Variants in FMN1 observed in about 807,000 individuals in gnomAD.
FMN1 encodes the protein formin-1.
Under a neutral mutation model 132.4 loss-of-function variants are expected in FMN1, and 110 were observed. That is an observed-to-expected ratio of 0.83 (90% CI 0.71 to 0.97). FMN1 has a LOEUF of 0.97. Ranked by LOEUF, FMN1 falls within the 50% of genes least tolerant of loss-of-function variation. The pLI is 0.00. For synonymous variants in FMN1, 722 were observed against 651.7 expected (o/e 1.11, Z -1.64); for missense variants, 1,792 against 1,705.3 (o/e 1.05, Z -0.90).
chr15:33,017,702 G>A (rs1448307147), intron 6 of FMN1, among the ~76,000 whole-genome samples: 1 of 152,140 alleles, frequency 6.6e-6, no homozygotes, highest in Non-Finnish European at 1.5e-5. Flanking sequence ...AAAAGATGGG[G>A]GGAAACTTCT....
At chr15:32,948,180 T>C (rs758718054) in intron 9 of FMN1, among the ~76,000 whole-genome samples, 4 of 152,042 alleles carry the variant, frequency 2.6e-5, no homozygotes, top group Non-Finnish European at 5.9e-5. Context: ...CCATCATCTT[T>C]CAATTATATA....
rs1478552880 is a variant in FMN1 at position 33,008,079 on chromosome 15, T to A, written c.2162-4A>T. The A allele has an allele frequency of 6.3e-7, 1 of 1,589,252 alleles. No individual in the cohort carries two copies. Among genetic ancestry groups the A allele is most frequent in the South Asian group, 1.1e-5 (1 of 87,006 alleles). On this transcript the variant is annotated splice_region_variant and splice_polypyrimidine_tract_variant and intron_variant, in intron 6 of 20. Coordinates refer to ENST00000616417, the MANE Select transcript of FMN1 (RefSeq NM_001277313.2). ...TGTAAAATAGCAGCTTGGTATTCTG[T>A]AAAATCAAAAAAGAGGCCAATTATA...
intron 5 of FMN1, among the ~76,000 whole-genome samples, chr15:33,075,194 C>T (rs2038160559): frequency 6.6e-6 from 1 of 151,972 alleles, no homozygotes; most frequent in East Asian, 1.9e-4. Flanking sequence ...AATTGTTACG[C>T]GGCATACACT....
chr15:32,964,056 C>CA, intron 9 of FMN1, 51 bp downstream of exon 9: 27 of 1,177,416 alleles, frequency 2.3e-5, no homozygotes, highest in South Asian at 2.7e-5. Context: ...CACATATATA[C>CA]CATTTCCCTG....
chr15:32,892,905 A>G (rs1362199384), intron 15 of FMN1, among the ~76,000 whole-genome samples: 1 of 152,112 alleles, frequency 6.6e-6, no homozygotes. Flanking sequence ...GACTCTAAAC[A>G]CCTCAGAGGC....
chr15:33,083,463 C>T (rs553855438), intron 5 of FMN1, among the ~76,000 whole-genome samples: 1 of 152,200 alleles, frequency 6.6e-6, no homozygotes, highest in South Asian at 2.1e-4. Context: ...CAACAACTCA[C>T]CTCCAGGAGG....
At chr15:32,931,350 T>C (rs1282823929) in intron 9 of FMN1, among the ~76,000 whole-genome samples, 1 of 152,238 alleles carries the variant, frequency 6.6e-6, no homozygotes, top group Non-Finnish European at 1.5e-5. Flanking sequence ...GTTATTTGTG[T>C]CTTCCTAAAT....
At chr15:32,853,921 G>A (rs1006427299) in intron 17 of FMN1, among the ~76,000 whole-genome samples, 3 of 152,194 alleles carry the variant, frequency 2.0e-5, no homozygotes, top group Non-Finnish European at 4.4e-5. Flanking sequence ...AGAGAGTGTA[G>A]GAATGAGCTG....
chr15:32,918,373 T>A (rs576087604), intron 10 of FMN1, among the ~76,000 whole-genome samples: 4 of 152,212 alleles, frequency 2.6e-5, no homozygotes, highest in Non-Finnish European at 5.9e-5. Flanking sequence ...TGCCTGCTAT[T>A]GTGTCATGTT....
chr15:32,939,279 T>C (rs1352040527), intron 9 of FMN1, among the ~76,000 whole-genome samples: 4 of 152,244 alleles, frequency 2.6e-5, no homozygotes, highest in African/African-American at 9.6e-5. Context: ...TCATTTTTTA[T>C]GTTCATTATC....
chr15:32,966,463 C>G (rs968543279), intron 8 of FMN1, among the ~76,000 whole-genome samples: 3 of 151,956 alleles, frequency 2.0e-5, no homozygotes, highest in Non-Finnish European at 4.4e-5. Context: ...ACATACAATT[C>G]TAGCTCAAAA....
In FMN1 at chr15:33,160,984, G is replaced by T. The variant is rs566864975; in HGVS notation, c.-131-5939C>A. On this transcript the variant is annotated intron_variant, in intron 3 of 20. Coordinates refer to ENST00000616417, the MANE Select transcript of FMN1 (RefSeq NM_001277313.2). Reference sequence around the variant, plus strand: ...TAGTAGATGCTATCTATTGTTCATAGCATATTTCACCAATGCTAAAAATAA... The same window carrying T: ...TAGTAGATGCTATCTATTGTTCATATCATATTTCACCAATGCTAAAAATAA... 3.9e-5 allele frequency among the ~76,000 whole-genome samples: 6 copies of T among 152,294 alleles called. No individual in the cohort carries two copies. In the South Asian group the frequency reaches 1.2e-3, roughly 32 times the overall value.
At position 32,916,581 on chromosome 15, in the gene FMN1, C is replaced by T. The variant is rs142543352; in HGVS notation, c.3227-6046G>A. On this transcript the variant is annotated intron_variant, in intron 10 of 20. Coordinates refer to ENST00000616417, the MANE Select transcript of FMN1 (RefSeq NM_001277313.2). Reference sequence around the variant, plus strand: ...AGGGTTGGGTTGGCTCACCAGGTTTCGGCTGACGGTGGTTTTGAGAATGAT... The same window carrying T: ...AGGGTTGGGTTGGCTCACCAGGTTTTGGCTGACGGTGGTTTTGAGAATGAT... Among the ~76,000 whole-genome samples, 11 of 152,242 alleles carry T rather than the reference C, an allele frequency of 7.2e-5. No homozygotes were observed. The East Asian group carries it at 1.5e-3, about 21-fold the overall frequency.
chr15:32,859,167 G>A (rs888784018), intron 16 of FMN1, among the ~76,000 whole-genome samples: 1 of 152,162 alleles, frequency 6.6e-6, no homozygotes, highest in African/African-American at 2.4e-5. Context: ...AGGAGATCAA[G>A]AGTTAAATTT....
chr15:32,975,466 C>G (rs761005159), intron 7 of FMN1, among the ~76,000 whole-genome samples: 15 of 152,168 alleles, frequency 9.9e-5, no homozygotes, highest in Admixed American at 2.0e-4. Flanking sequence ...ATCCTTTTCT[C>G]TTTGCTATTC....
intron 10 of FMN1, among the ~76,000 whole-genome samples, chr15:32,916,568 G>T (rs893939459): frequency 6.6e-6 from 1 of 152,160 alleles, no homozygotes; most frequent in Non-Finnish European, 1.5e-5. Context: ...GGTTGGGTTG[G>T]CTCACCAGGT....
intron 17 of FMN1, among the ~76,000 whole-genome samples, chr15:32,842,305 T>C (rs1383436292): frequency 6.6e-6 from 1 of 152,098 alleles, no homozygotes; most frequent in Non-Finnish European, 1.5e-5. Flanking sequence ...AGCCCCACCC[T>C]CCATCCACCC....
intron 16 of FMN1, among the ~76,000 whole-genome samples, chr15:32,883,374 G>A (rs138317389): frequency 6.6e-6 from 1 of 151,824 alleles, no homozygotes; most frequent in East Asian, 1.9e-4. Flanking sequence ...GCTGGGCGTG[G>A]TGGTATACAT....
chr15:32,801,486 G>C (rs192644686), intron 18 of FMN1, among the ~76,000 whole-genome samples: 33 of 152,176 alleles, frequency 2.2e-4, no homozygotes, highest in Non-Finnish European at 4.6e-4. Context: ...GCCTTATTTG[G>C]CCGGGCACAG....
Sources: gnomAD v4.1 joint callset for allele counts (sites outside exome capture counted in the v4.1 genomes callset) on GRCh38, gnomAD v4.1.1 for gene constraint, MANE v1.5 for transcripts, NCBI Gene and HGNC (gene_info 2026-07-23, HGNC 2026-07-21) for gene names.